PCOLCE2: variants seen among roughly 807,000 people sequenced by gnomAD.
The protein encoded by PCOLCE2 is procollagen C-endopeptidase enhancer 2, also known as procollagen C-proteinase enhancer 2.
Under a neutral mutation model 47.0 loss-of-function variants are expected in PCOLCE2, and 42 were observed. That is an observed-to-expected ratio of 0.89 (90% CI 0.70 to 1.16). The LOEUF is 1.16. PCOLCE2 is among the 50% of genes most tolerant of loss of function. The pLI is 0.00. For missense variants in PCOLCE2, 500 were observed against 526.1 expected (o/e 0.95, Z 0.49); for synonymous variants, 169 against 191.7 (o/e 0.88, Z 0.98).
chr3:142,823,470 A>T, intron 7 of PCOLCE2, 62 bp downstream of exon 7: 1 of 953,442 alleles, frequency 1.0e-6, no homozygotes, highest in South Asian at 1.4e-5. Flanking sequence ...AATTCCTTTG[A>T]GATTAAGCAT....
Position 142,887,695 on chromosome 3 carries a change from T to C in PCOLCE2, c.166A>G (p.Asn56Asp), listed in dbSNP as rs745446258. 1 of 1,593,658 alleles carries C rather than the reference T, an allele frequency of 6.3e-7. No homozygotes were observed. The highest frequency in any genetic ancestry group is 8.6e-7 in the Non-Finnish European group (1 of 1,161,520). The change falls in exon 2 of 9, where the codon AAT becomes GAT. Residue 56 changes from asparagine (N) to aspartate (D), a missense_variant. Asn to Asp is a conservative substitution (Grantham distance 23). Coordinates refer to ENST00000295992, the MANE Select transcript of PCOLCE2 (RefSeq NM_013363.4). The part of the protein sequence containing the change: ...SEGFPGVYPP[N>D]SKCTWKITVP... ...GTGATTTTCCAAGTACATTTGCTAT[T>C]TGGAGGGTACACTCCAGGAAAACCT...
chr3:142,827,951 T>C (rs1037550609), intron 6 of PCOLCE2, among the ~76,000 whole-genome samples: 1 of 152,172 alleles, frequency 6.6e-6, no homozygotes, highest in Non-Finnish European at 1.5e-5. Context: ...TCCTGACACC[T>C]ACCTCCCTGA....
At position 142,887,729 on chromosome 3, in the gene PCOLCE2, A is replaced by C; in HGVS notation, c.132T>G (p.Ile44Met). The C allele has an allele frequency of 6.2e-7, 1 of 1,610,318 alleles. No homozygotes were observed. Among genetic ancestry groups the C allele is most frequent in the Middle Eastern group, 1.7e-4 (1 of 6,056 alleles). Residue 44 changes from isoleucine to methionine, a missense_variant, in exon 2 of 9, where the codon ATT becomes ATG. Ile to Met is a conservative substitution (Grantham distance 10). Transcript: ENST00000295992. The stretch of plus-strand genomic sequence containing the variant: ...ACACTCCAGGAAAACCTTCACTGCC[A>C]ATAAATCCAGACTCTCCAGTAAGAA... Reference protein sequence around the residue: ...GGILTGESGFIGSEGFPGVYP... With the variant: ...GGILTGESGFMGSEGFPGVYP...
chr3:142,888,997 G>A lies in PCOLCE2; in HGVS notation c.-101C>T. 1.8e-6 allele frequency: 1 copy of A among 556,814 alleles called. No individual in the cohort carries two copies. The highest frequency in any genetic ancestry group is 2.8e-6 in the Non-Finnish European group (1 of 359,920). The allele number at this position is 556,814 out of a possible 1,614,324, so 34.5% of individuals were successfully genotyped here. On this transcript the variant is annotated 5_prime_UTR_variant, in exon 1 of 9. Coordinates refer to ENST00000295992, the MANE Select transcript of PCOLCE2 (RefSeq NM_013363.4). Reference sequence around the variant, plus strand: ...CACACCGCCGCTCACACTGGCAGCAGCGCTGGCTCACACCGGCGCTCGGCT... The same window carrying A: ...CACACCGCCGCTCACACTGGCAGCAACGCTGGCTCACACCGGCGCTCGGCT...
chr3:142,826,334 G>C (rs1172043935), intron 6 of PCOLCE2, among the ~76,000 whole-genome samples: 2 of 152,084 alleles, frequency 1.3e-5, no homozygotes, highest in East Asian at 3.9e-4. Context: ...AGGAAGAAGA[G>C]AAGCATAGCA....
chr3:142,820,839 A>G (rs777317926), intron 8 of PCOLCE2, 39 bp downstream of exon 8: 1 of 1,558,938 alleles, frequency 6.4e-7, no homozygotes, highest in Non-Finnish European at 8.8e-7. Flanking sequence ...TGGAAAATCC[A>G]TGGCTTGCTC....
At chr3:142,869,060 G>A (rs765775394) in intron 2 of PCOLCE2, among the ~76,000 whole-genome samples, 3 of 152,126 alleles carry the variant, frequency 2.0e-5, no homozygotes, top group Non-Finnish European at 4.4e-5. Context: ...GGGAGGCTGA[G>A]GCAGGTGGAT....
At chr3:142,835,900 TCTCAGAGTGCTG>T (rs1937198088) in intron 5 of PCOLCE2, among the ~76,000 whole-genome samples, 2 of 152,256 alleles carry the variant, frequency 1.3e-5, no homozygotes, top group Admixed American at 1.3e-4. Context: ...AACCTCAGGT[TCTCAGAGTGCTG>T]GGATTATAGG....
intron 2 of PCOLCE2, among the ~76,000 whole-genome samples, chr3:142,869,421 T>C (rs1041990893): frequency 1.3e-5 from 2 of 152,192 alleles, no homozygotes; most frequent in African/African-American, 4.8e-5. Flanking sequence ...ATATATTTCT[T>C]TCATATATTT....
chr3:142,838,996 A>T (rs1252516475), intron 4 of PCOLCE2, 90 bp from the exon 5 acceptor site: 5 of 1,000,414 alleles, frequency 5.0e-6, no homozygotes, highest in Non-Finnish European at 7.4e-6. Flanking sequence ...GATTTGGAGG[A>T]TACTACGATT....
intron 8 of PCOLCE2, among the ~76,000 whole-genome samples, chr3:142,820,487 A>C (rs1368458678): frequency 2.6e-5 from 4 of 152,106 alleles, no homozygotes; most frequent in Middle Eastern, 3.2e-3. Context: ...AATGATTCCC[A>C]GATCTTGATT....
intron 2 of PCOLCE2, among the ~76,000 whole-genome samples, chr3:142,858,614 G>C (rs1578043236): frequency 6.6e-6 from 1 of 151,692 alleles, no homozygotes; most frequent in Non-Finnish European, 1.5e-5. Context: ...TGGGGTAAGT[G>C]GGGGGGTCCC....
At chr3:142,873,299 A>T (rs1023359614) in intron 2 of PCOLCE2, among the ~76,000 whole-genome samples, 7 of 151,862 alleles carry the variant, frequency 4.6e-5, no homozygotes, top group African/African-American at 1.5e-4. Context: ...AGGCTGAGGC[A>T]GGAAAATCAC....
chr3:142,821,693 CTT>C (rs34273573), intron 7 of PCOLCE2, among the ~76,000 whole-genome samples: 7 of 149,836 alleles, frequency 4.7e-5, no homozygotes, highest in African/African-American at 7.4e-5. Context: ...TTAACTTAAA[CTT>C]TTTTTTTTCT....
At chr3:142,836,381 G>A (rs1937204271) in intron 5 of PCOLCE2, among the ~76,000 whole-genome samples, 1 of 152,202 alleles carries the variant, frequency 6.6e-6, no homozygotes, top group South Asian at 2.1e-4. Flanking sequence ...TTGTCTGCAA[G>A]CACAGTCTGT....
chr3:142,858,439 T>C (rs146998978), intron 2 of PCOLCE2, among the ~76,000 whole-genome samples: 1 of 152,376 alleles, frequency 6.6e-6, no homozygotes, highest in East Asian at 1.9e-4. Flanking sequence ...TTATTTGTTT[T>C]GCAAATCAAC....
In PCOLCE2 at chr3:142,842,961, A is replaced by ACTC; in HGVS notation, c.533_535dup (p.Gly178dup). 6.2e-7 allele frequency: 1 copy of ACTC among 1,613,872 alleles called. No individual in the cohort carries two copies. The highest frequency in any genetic ancestry group is 8.5e-7 in the Non-Finnish European group (1 of 1,179,912). On this transcript the variant is annotated inframe_insertion, in exon 4 of 9. Transcript: ENST00000295992. This position sits in a 1 kb window ranked among gnomAD's most constrained non-coding sequence, Gnocchi z 4.1. ...GGCTACAATGTGCCACACACAAGTG[A>ACTC]CTCCTGCAGGGTAATCCCGGTCTGG...
chr3:142,869,821 C>T (rs1167690533), intron 2 of PCOLCE2, among the ~76,000 whole-genome samples: 1 of 152,206 alleles, frequency 6.6e-6, no homozygotes, highest in Non-Finnish European at 1.5e-5. Flanking sequence ...TGATTGATGC[C>T]TTATGTCTCC....
In PCOLCE2 at chr3:142,819,781, G is replaced by A. The variant is rs550469364; in HGVS notation, c.1117+1097C>T. On this transcript the variant is annotated intron_variant, in intron 8 of 8. Coordinates refer to ENST00000295992, the MANE Select transcript of PCOLCE2 (RefSeq NM_013363.4). ...TTGCTTCAGCCTCACGAGTAGCTGG[G>A]ACCACAGGTGCGCACCACCACACCC... 9.9e-5 allele frequency among the ~76,000 whole-genome samples: 15 copies of A among 152,176 alleles called. 1 individual carries two copies. In the South Asian group the frequency reaches 2.9e-3, roughly 30 times the overall value.
Sources: gnomAD v4.1 joint callset for allele counts (sites outside exome capture counted in the v4.1 genomes callset) on GRCh38, gnomAD v4.1.1 for gene constraint, Gnocchi (gnomAD v3.1) non-coding constraint, MANE v1.5 for transcripts, NCBI Gene and HGNC (gene_info 2026-07-23, HGNC 2026-07-21) for gene names.